The following CSMD3 variants were observed in gnomAD, a reference collection of about 807,000 sequenced individuals.
CSMD3 encodes CUB and sushi domain-containing protein 3.
Under a neutral mutation model 435.2 loss-of-function variants are expected in CSMD3, and 177 were observed. That is an observed-to-expected ratio of 0.41 (90% CI 0.36 to 0.46). The LOEUF is 0.46. Ranked by LOEUF, CSMD3 falls within the 20% of genes least tolerant of loss-of-function variation. The pLI is 0.34. For missense variants in CSMD3, 4,265 were observed against 4,504.6 expected (o/e 0.95, Z 1.52); for synonymous variants, 1,656 against 1,520.5 (o/e 1.09, Z -2.07).
At chr8:113,296,899 A>C (rs1193421820) in intron 2 of CSMD3, among the ~76,000 whole-genome samples, 3 of 152,162 alleles carry the variant, frequency 2.0e-5, no homozygotes, top group Non-Finnish European at 4.4e-5. Flanking sequence ...CTAGATAAAA[A>C]ATTTAGTGGC....
chr8:112,703,935 T>G (rs1454571973), intron 13 of CSMD3, among the ~76,000 whole-genome samples: 1 of 152,106 alleles, frequency 6.6e-6, no homozygotes, highest in Admixed American at 6.6e-5. Context: ...TTTACAATCA[T>G]GATGTAAACA....
At chr8:112,650,103 C>A (rs2075086366) in intron 19 of CSMD3, 58 bp downstream of exon 19, 1 of 1,255,476 alleles carries the variant, frequency 8.0e-7, no homozygotes, top group Non-Finnish European at 1.2e-6. Context: ...ATATAAAAAA[C>A]TACATTGATT....
intron 32 of CSMD3, 31 bp downstream of exon 32, chr8:112,472,560 A>C (rs1473629954): frequency 1.8e-6 from 2 of 1,131,072 alleles, no homozygotes; most frequent in African/African-American, 3.1e-5. Context: ...GTCTGGATGA[A>C]ATACTACATA....
intron 70 of CSMD3, among the ~76,000 whole-genome samples, chr8:112,225,704 A>C (rs1385643375): frequency 6.6e-6 from 1 of 152,210 alleles, no homozygotes; most frequent in Non-Finnish European, 1.5e-5. Context: ...AATGGTATAC[A>C]TTAAAGCATG....
At chr8:112,536,377 T>G (rs992517879) in intron 27 of CSMD3, among the ~76,000 whole-genome samples, 1 of 152,144 alleles carries the variant, frequency 6.6e-6, no homozygotes, top group Non-Finnish European at 1.5e-5. Flanking sequence ...GAGCAGATAC[T>G]TCTCAAAAGA....
At chr8:112,305,971 G>A (rs764376363) in intron 51 of CSMD3, 36 bp downstream of exon 51, 5 of 1,565,174 alleles carry the variant, frequency 3.2e-6, no homozygotes, top group Non-Finnish European at 4.4e-6. Flanking sequence ...AATACCAAGA[G>A]AAAAACAAGT....
At chr8:113,410,926 A>AAAGAAAG (rs1563795319) in intron 1 of CSMD3, among the ~76,000 whole-genome samples, 1 of 150,664 alleles carries the variant, frequency 6.6e-6, no homozygotes, top group South Asian at 2.1e-4. Context: ...AGAAAGAAAG[A>AAAGAAAG]AAGAAAGAAA....
At chr8:112,617,499 T>A (rs1290454128) in intron 22 of CSMD3, among the ~76,000 whole-genome samples, 4 of 152,160 alleles carry the variant, frequency 2.6e-5, no homozygotes, top group East Asian at 1.9e-4. Context: ...AGCACATTAG[T>A]AAAGTACATG....
intron 13 of CSMD3, among the ~76,000 whole-genome samples, chr8:112,780,752 C>T (rs2078363110): frequency 6.6e-6 from 1 of 152,034 alleles, no homozygotes; most frequent in Non-Finnish European, 1.5e-5. Context: ...AGCTGGTGTC[C>T]ATGGAGGAAA....
intron 1 of CSMD3, among the ~76,000 whole-genome samples, chr8:113,316,586 G>T (rs1020956262): frequency 5.1e-4 from 75 of 147,690 alleles, no homozygotes; most frequent in African/African-American, 1.8e-3. Flanking sequence ...ATCTTGCTCT[G>T]TTGCCCAGGC....
chr8:112,361,420 A>G (rs1827190036), intron 38 of CSMD3, among the ~76,000 whole-genome samples: 1 of 151,408 alleles, frequency 6.6e-6, no homozygotes, highest in Non-Finnish European at 1.5e-5. Context: ...CATTACTAAT[A>G]TTTATTTATA....
At chr8:112,446,741 T>C (rs1012394892) in intron 32 of CSMD3, among the ~76,000 whole-genome samples, 1 of 152,198 alleles carries the variant, frequency 6.6e-6, no homozygotes, top group African/African-American at 2.4e-5. Flanking sequence ...TTCAATATAG[T>C]TTGCTTTCAG....
At chr8:112,679,308 T>C (rs937295637) in intron 16 of CSMD3, among the ~76,000 whole-genome samples, 1 of 152,074 alleles carries the variant, frequency 6.6e-6, no homozygotes, top group African/African-American at 2.4e-5. Context: ...TGGTTTGGGA[T>C]AGAGTAGTAA....
At chr8:113,167,865 G>A (rs1185441548) in intron 4 of CSMD3, among the ~76,000 whole-genome samples, 1 of 152,206 alleles carries the variant, frequency 6.6e-6, no homozygotes, top group African/African-American at 2.4e-5. Flanking sequence ...TATGTGAAAT[G>A]ACAGCTAATG....
At chr8:113,020,088 G>A (rs1189958422) in intron 5 of CSMD3, among the ~76,000 whole-genome samples, 2 of 148,172 alleles carry the variant, frequency 1.3e-5, no homozygotes, top group Non-Finnish European at 3.0e-5. Context: ...GCGTGAACCC[G>A]GGAAGCGGAG....
At chr8:112,860,057 G>A (rs954219577) in intron 10 of CSMD3, among the ~76,000 whole-genome samples, 1 of 151,744 alleles carries the variant, frequency 6.6e-6, no homozygotes, top group Non-Finnish European at 1.5e-5. Context: ...ACTTAAATCT[G>A]TACATAGTTA....
intron 38 of CSMD3, among the ~76,000 whole-genome samples, chr8:112,377,482 T>A (rs1003262458): frequency 6.6e-6 from 1 of 152,110 alleles, no homozygotes; most frequent in Admixed American, 6.6e-5. Flanking sequence ...GGGGAAAATA[T>A]GTCCAAACTT....
intron 22 of CSMD3, among the ~76,000 whole-genome samples, chr8:112,617,809 AAAT>A (rs571038585): frequency 6.6e-6 from 1 of 152,270 alleles, no homozygotes; most frequent in South Asian, 2.1e-4. Flanking sequence ...CACAGAACAG[AAAT>A]TATCCAAGAT....
At chr8:112,918,181 A>T (rs1180499988) in intron 10 of CSMD3, among the ~76,000 whole-genome samples, 1 of 151,936 alleles carries the variant, frequency 6.6e-6, no homozygotes, top group South Asian at 2.1e-4. Context: ...ACTCATGTTC[A>T]TAAGTGTTGA....
Sources: allele counts gnomAD v4.1 joint callset (sites outside exome capture counted in the v4.1 genomes callset), GRCh38; gene constraint gnomAD v4.1.1; transcripts MANE v1.5; gene names NCBI Gene and HGNC (gene_info 2026-07-23, HGNC 2026-07-21).